The following ALLC variants were observed in gnomAD, a reference collection of about 807,000 sequenced individuals.
ALLC encodes the protein probable inactive allantoicase.
In ALLC, 40 loss-of-function variants were observed where a neutral mutation model predicts 45.0. The ratio of observed to expected loss-of-function variants is 0.89; its 90% CI spans 0.69 to 1.16. ALLC has a LOEUF of 1.16. Ranked by LOEUF, ALLC falls within the 50% of genes most tolerant of loss-of-function variation. The pLI is 0.00. For missense variants in ALLC, 488 were observed against 493.1 expected (o/e 0.99, Z 0.10); for synonymous variants, 176 against 178.1 (o/e 0.99, Z 0.09).
chr2:3,653,270 A>T (rs1666377990), upstream of ALLC, among the ~76,000 whole-genome samples: 1 of 152,170 alleles, frequency 6.6e-6, no homozygotes, highest in Non-Finnish European at 1.5e-5. This position sits in a 1 kb window ranked among gnomAD's most constrained non-coding sequence, Gnocchi z 4.1. Flanking sequence ...CCATGATGGG[A>T]GAAGCTGTGG....
intron 7 of ALLC, among the ~76,000 whole-genome samples, chr2:3,690,058 T>C (rs2148014351): frequency 6.7e-6 from 1 of 149,040 alleles, no homozygotes; most frequent in Non-Finnish European, 1.5e-5. Flanking sequence ...TTTCCATCCT[T>C]TCACTGTCAG....
intron 1 of ALLC, among the ~76,000 whole-genome samples, chr2:3,661,168 T>C (rs755846437): frequency 2.0e-5 from 3 of 151,992 alleles, no homozygotes; most frequent in Non-Finnish European, 4.4e-5. Context: ...TCCTTAGCAA[T>C]GGGTATAATA....
chr2:3,653,789 C>A (rs1389330021), upstream of ALLC, among the ~76,000 whole-genome samples: 1 of 152,154 alleles, frequency 6.6e-6, no homozygotes, highest in Non-Finnish European at 1.5e-5. The surrounding 1 kb of genome is among the most constrained non-coding windows in gnomAD (Gnocchi z 4.1). Context: ...CAAGCCTATT[C>A]CAACATGTCC....
rs761437342 is a variant in ALLC at position 3,679,962 on chromosome 2, G to A, written c.266G>A (p.Arg89Gln). 6.8e-6 allele frequency: 11 copies of A among 1,613,958 alleles called. No homozygotes were observed. Among genetic ancestry groups the A allele is most frequent in the East Asian group, 2.2e-5 (1 of 44,878 alleles). ...VSYFTGDYAP[R>Q]VSIQAANLEE... Reference sequence around the variant, plus strand: ...TACTTCACGGGAGATTACGCTCCTCGAGTGTCCATTCAAGCAGCAAACTTG... The same window carrying A: ...TACTTCACGGGAGATTACGCTCCTCAAGTGTCCATTCAAGCAGCAAACTTG... The change falls in exon 5 of 12, where the codon CGA becomes CAA. Residue 89 changes from arginine (R) to glutamine (Q), a missense_variant. By Grantham distance (43) the Arg-to-Gln change is conservative. Coordinates refer to ENST00000252505, the MANE Select transcript of ALLC (RefSeq NM_018436.4).
chr2:3,675,717 G>T (rs1012038630), intron 3 of ALLC, among the ~76,000 whole-genome samples: 1 of 152,090 alleles, frequency 6.6e-6, no homozygotes, highest in Non-Finnish European at 1.5e-5. Flanking sequence ...ACAGATAAAT[G>T]TAAAGTTCAC....
chr2:3,679,985 T>C lies in ALLC; in HGVS notation c.289T>C (p.Leu97=). 1 of 1,613,832 alleles carries C rather than the reference T, an allele frequency of 6.2e-7. No individual in the cohort carries two copies. Among genetic ancestry groups the C allele is most frequent in the Non-Finnish European group, 8.5e-7 (1 of 1,179,846 alleles). Residue 97 remains leucine (L), a synonymous_variant, in exon 5 of 12, where the codon TTG becomes CTG. Transcript: ENST00000252505. The stretch of plus-strand genomic sequence containing the variant: ...TCGAGTGTCCATTCAAGCAGCAAAC[T>C]TGGAAGAAGGTGCGTTAGGAACCAC... ...APRVSIQAAN[L]EEDKLPEIPE...
rs200344138 is a variant in ALLC at position 3,671,134 on chromosome 2, C to T, written c.-24C>T. 97 of 1,608,944 alleles carry T rather than the reference C, an allele frequency of 6.0e-5. No homozygotes were observed. Among genetic ancestry groups the T allele is most frequent in the Admixed American group, 1.3e-4 (8 of 59,454 alleles). Reference sequence around the variant, plus strand: ...TGCTCCGAAGGAGGGAAGACTGACCCGGTTTCTGGACTTCACCCAGCTGAT... The same window carrying T: ...TGCTCCGAAGGAGGGAAGACTGACCTGGTTTCTGGACTTCACCCAGCTGAT... On this transcript the variant is annotated 5_prime_UTR_variant, in exon 2 of 12. Coordinates refer to ENST00000252505, the MANE Select transcript of ALLC (RefSeq NM_018436.4).
At chr2:3,676,367 C>T (rs184126249) in intron 3 of ALLC, among the ~76,000 whole-genome samples, 48 of 152,236 alleles carry the variant, frequency 3.2e-4, no homozygotes, top group Admixed American at 7.9e-4. Context: ...ACTGCAGCCT[C>T]GACTTCCTGG....
intron 1 of ALLC, among the ~76,000 whole-genome samples, chr2:3,665,272 C>T (rs1290961391): frequency 6.6e-6 from 1 of 150,936 alleles, no homozygotes; most frequent in Non-Finnish European, 1.5e-5. Context: ...ATTCTTTTCC[C>T]TTTTTTTTTG....
At chr2:3,699,467 A>G (rs1352675839) in intron 10 of ALLC, among the ~76,000 whole-genome samples, 2 of 152,180 alleles carry the variant, frequency 1.3e-5, no homozygotes, top group African/African-American at 4.8e-5. Context: ...ATGAACATAC[A>G]TGTGCATGTC....
chr2:3,672,687 G>A (rs369329606), intron 2 of ALLC, among the ~76,000 whole-genome samples: 1 of 145,082 alleles, frequency 6.9e-6, no homozygotes, highest in Non-Finnish European at 1.5e-5. Flanking sequence ...CTCTGGCTCT[G>A]GTTAGATCGG....
chr2:3,680,608 T>C lies in ALLC; in HGVS notation c.298+614T>C, dbSNP rs1397399195. On this transcript the variant is annotated intron_variant, in intron 5 of 11. Coordinates refer to ENST00000252505, the MANE Select transcript of ALLC (RefSeq NM_018436.4). This position sits in a 1 kb window ranked among gnomAD's most constrained non-coding sequence, Gnocchi z 4.0. Reference sequence around the variant, plus strand: ...AGTCTGTTGGTAACGGGTATTTTATTGGGGGAACTTACGGACAGAAGCGTG... The same window carrying C: ...AGTCTGTTGGTAACGGGTATTTTATCGGGGGAACTTACGGACAGAAGCGTG... Among the ~76,000 whole-genome samples, 3 of 152,100 alleles carry C rather than the reference T, an allele frequency of 2.0e-5. No homozygotes were observed. Among genetic ancestry groups the C allele is most frequent in the African/African-American group, 7.2e-5 (3 of 41,416 alleles).
chr2:3,695,954 AAAAGG>A, intron 8 of ALLC, 82 bp downstream of exon 8: 1 of 1,394,586 alleles, frequency 7.2e-7, no homozygotes, highest in Non-Finnish European at 9.7e-7. Context: ...AGAGTGATTT[AAAAGG>A]AAAGGCACAT....
the ALLC span, among the ~76,000 whole-genome samples, chr2:3,652,607 T>TG: frequency 7.6e-6 from 1 of 131,000 alleles, no homozygotes; most frequent in African/African-American, 3.3e-5. Flanking sequence ...TTTTTTTTTT[T>TG]GGAAATGGAG....
At chr2:3,652,277 C>G in the ALLC span, among the ~76,000 whole-genome samples, 2 of 152,252 alleles carry the variant, frequency 1.3e-5, no homozygotes, top group African/African-American at 2.4e-5. Context: ...TTGCATTTCA[C>G]TAGCTTCCTG....
the ALLC span, among the ~76,000 whole-genome samples, chr2:3,649,856 C>T: frequency 5.9e-5 from 9 of 152,370 alleles, no homozygotes; most frequent in Middle Eastern, 3.4e-3. Flanking sequence ...AACAAACAGA[C>T]GCCACAGACA....
chr2:3,690,433 CCCCCTCCCCTCCCCT>C (rs1206788981), intron 7 of ALLC, among the ~76,000 whole-genome samples: 1 of 8,300 alleles, frequency 1.2e-4, no homozygotes, highest in Non-Finnish European at 2.1e-4. Context: ...CTTCCCCTCC[CCCCCTCCCCTCCCCT>C]CCCCTCCCCT....
rs1024609256 is a variant in ALLC, at chr2:3,680,974, T to C, written c.299-660T>C. Among the ~76,000 whole-genome samples, 1 of 152,156 alleles carries C rather than the reference T, an allele frequency of 6.6e-6. No homozygotes were observed. The highest frequency in any genetic ancestry group is 1.5e-5 in the Non-Finnish European group (1 of 68,036). On this transcript the variant is annotated intron_variant, in intron 5 of 11. Transcript: ENST00000252505. This position sits in a 1 kb window ranked among gnomAD's most constrained non-coding sequence, Gnocchi z 4.0. ...TCCTTTGTTACCATCTGATGTTGAC[T>C]TTAGCATTAATTAAAAAAAATATAC...
chr2:3,651,572 A>G, the ALLC span, among the ~76,000 whole-genome samples: 1 of 151,820 alleles, frequency 6.6e-6, no homozygotes, highest in African/African-American at 2.4e-5. Flanking sequence ...CCTCAGTGGC[A>G]CCCACGTTGT....
Sources: allele counts gnomAD v4.1 joint callset (sites outside exome capture counted in the v4.1 genomes callset), GRCh38; gene constraint gnomAD v4.1.1; non-coding constraint Gnocchi (gnomAD v3.1); transcripts MANE v1.5; gene names NCBI Gene and HGNC (gene_info 2026-07-23, HGNC 2026-07-21).